The following GPD2 variants were observed in gnomAD, a reference collection of about 807,000 sequenced individuals.
GPD2 encodes the protein glycerol-3-phosphate dehydrogenase, mitochondrial.
In GPD2, 54 loss-of-function variants were observed where a neutral mutation model predicts 82.4. The ratio of observed to expected loss-of-function variants is 0.66; its 90% confidence interval spans 0.53 to 0.82. GPD2 has a LOEUF of 0.82. Among genes scored for constraint, GPD2 ranks in the 40% least tolerant of loss-of-function variants. The pLI, the probability that GPD2 is intolerant of heterozygous loss-of-function variation, is 0.00. For missense variants in GPD2, 748 were observed against 896.2 expected, an observed-to-expected ratio of 0.83 and a Z score of 2.11; for synonymous variants, 288 against 306.1, an observed-to-expected ratio of 0.94 and a Z score of 0.62.
At chr2:156,528,901 T>C (rs1336955632) in intron 6 of GPD2, among the ~76,000 whole-genome samples, 35 of 152,150 alleles carry the variant, frequency 2.3e-4, no homozygotes. Flanking sequence ...GTAAACATAG[T>C]GTGCATGTGT....
At chr2:156,541,824 G>GTGTT (rs1553475231) in intron 6 of GPD2, among the ~76,000 whole-genome samples, 2 of 81,468 alleles carry the variant, frequency 2.5e-5, no homozygotes, top group African/African-American at 4.9e-5. Flanking sequence ...AATGCTGTTT[G>GTGTT]TTTTTTTTTT....
At chr2:156,538,911 AC>A (rs1166019844) in intron 6 of GPD2, among the ~76,000 whole-genome samples, 1 of 152,292 alleles carries the variant, frequency 6.6e-6, no homozygotes, top group African/African-American at 2.4e-5. Context: ...AGCTTAAAAA[AC>A]AATATCTGTT....
At chr2:156,563,443 C>A (rs1403388604) in intron 9 of GPD2, among the ~76,000 whole-genome samples, 2 of 152,040 alleles carry the variant, frequency 1.3e-5, no homozygotes, top group East Asian at 1.9e-4. Flanking sequence ...ACATGTTATA[C>A]CATGGACAGT....
chr2:156,417,786 G>C, the GPD2 span, among the ~76,000 whole-genome samples: 1 of 152,136 alleles, frequency 6.6e-6, no homozygotes, highest in Non-Finnish European at 1.5e-5. Flanking sequence ...GGGAGGCTGA[G>C]GTAGGAGGAT....
intron 2 of GPD2, among the ~76,000 whole-genome samples, chr2:156,491,022 G>A (rs1461582886): frequency 6.6e-6 from 1 of 151,482 alleles, no homozygotes; most frequent in Non-Finnish European, 1.5e-5. Flanking sequence ...TTTTGATACA[G>A]TTATGTAATG....
chr2:156,569,743 A>T (rs1273032059), intron 11 of GPD2, among the ~76,000 whole-genome samples: 2 of 152,104 alleles, frequency 1.3e-5, no homozygotes, highest in African/African-American at 4.8e-5. Flanking sequence ...AATGTATTTT[A>T]TTAAAAAGTG....
chr2:156,462,173 G>GT (rs1219145845), intron 1 of GPD2, among the ~76,000 whole-genome samples: 1 of 152,152 alleles, frequency 6.6e-6, no homozygotes, highest in African/African-American at 2.4e-5. Context: ...GTGTTGCCAT[G>GT]TTTTTTCAAG....
At chr2:156,535,418 A>G (rs1297429181) in intron 6 of GPD2, among the ~76,000 whole-genome samples, 1 of 86,950 alleles carries the variant, frequency 1.2e-5, no homozygotes, top group East Asian at 4.2e-4. Flanking sequence ...AGAGAGACCT[A>G]GGAAAGAGAG....
At chr2:156,529,579 G>C (rs1470034225) in intron 6 of GPD2, among the ~76,000 whole-genome samples, 1 of 152,064 alleles carries the variant, frequency 6.6e-6, no homozygotes, top group African/African-American at 2.4e-5. Flanking sequence ...TAATTCTAAC[G>C]TTTAAGTCTT....
intron 6 of GPD2, among the ~76,000 whole-genome samples, chr2:156,529,356 A>G (rs1433106345): frequency 2.1e-5 from 3 of 139,930 alleles, no homozygotes; most frequent in East Asian, 4.2e-4. Flanking sequence ...TCAGATGAGT[A>G]GGTTGCGAAA....
chr2:156,406,738 A>G, the GPD2 span, among the ~76,000 whole-genome samples: 1 of 152,242 alleles, frequency 6.6e-6, no homozygotes, highest in African/African-American at 2.4e-5. Context: ...CTCTGGGTGA[A>G]GCATTTATTC....
chr2:156,496,185 A>G lies in GPD2; in HGVS notation c.244A>G (p.Ser82Gly). The change falls in exon 3 of 17, where the codon AGT (serine) becomes GGT (glycine). Residue 82 changes from serine (S) to glycine (G), a missense_variant. By Grantham distance (56) the Ser-to-Gly change is moderately conservative (BLOSUM62 0). Coordinates refer to ENST00000438166, the MANE Select transcript of GPD2 (RefSeq NM_000408.5). The part of the protein sequence containing the change: ...ILVIGGGATG[S>G]GCALDAVTRG... ...TGTTATTGGAGGAGGAGCAACAGGA[A>G]GTGGCTGTGCGCTAGATGCTGTCAC... The G allele has an allele frequency of 6.2e-7, 1 of 1,612,968 alleles. No homozygotes were observed. Among genetic ancestry groups the G allele is most frequent in the African/African-American group, 1.3e-5 (1 of 75,012 alleles).
the GPD2 span, among the ~76,000 whole-genome samples, chr2:156,427,349 G>A: frequency 2.0e-5 from 3 of 152,216 alleles, no homozygotes; most frequent in African/African-American, 7.2e-5. Context: ...TGAGGCTGTG[G>A]AAATAGTTAC....
At chr2:156,466,959 G>C (rs551879114) in intron 1 of GPD2, among the ~76,000 whole-genome samples, 1 of 152,072 alleles carries the variant, frequency 6.6e-6, no homozygotes, top group African/African-American at 2.4e-5. Context: ...GGCCAACCTC[G>C]TTCTCACTGT....
chr2:156,423,555 T>C, the GPD2 span, among the ~76,000 whole-genome samples: 1 of 152,210 alleles, frequency 6.6e-6, no homozygotes, highest in Non-Finnish European at 1.5e-5. Context: ...TCCACATCTA[T>C]TTTCTGCTCT....
intron 1 of GPD2, among the ~76,000 whole-genome samples, chr2:156,467,581 G>T (rs1003265870): frequency 1.3e-5 from 2 of 152,182 alleles, no homozygotes; most frequent in African/African-American, 2.4e-5. Context: ...TAGAGAAAAG[G>T]CTAAAGAAGG....
At chr2:156,413,411 G>A in the GPD2 span, among the ~76,000 whole-genome samples, 2 of 151,270 alleles carry the variant, frequency 1.3e-5, no homozygotes, top group Middle Eastern at 3.4e-3. Context: ...GCGAAATCCC[G>A]TCTCTACTAA....
intron 13 of GPD2, among the ~76,000 whole-genome samples, chr2:156,573,335 G>T (rs1039395433): frequency 6.6e-6 from 1 of 152,134 alleles, no homozygotes; most frequent in African/African-American, 2.4e-5. Flanking sequence ...TCTCCATCCT[G>T]TCTTGCTGTG....
intron 1 of GPD2, among the ~76,000 whole-genome samples, chr2:156,468,196 A>G (rs1014220423): frequency 6.6e-6 from 1 of 152,132 alleles, no homozygotes; most frequent in African/African-American, 2.4e-5. Flanking sequence ...CTTGACTTTT[A>G]TAGTTAAAAG....
Sources: allele counts gnomAD v4.1 joint callset (sites outside exome capture counted in the v4.1 genomes callset), GRCh38; gene constraint gnomAD v4.1.1; transcripts MANE v1.5; gene names NCBI Gene and HGNC (gene_info 2026-07-23, HGNC 2026-07-21).